TAF1B: variants seen among roughly 807,000 people sequenced by gnomAD.
TAF1B encodes TATA box-binding protein-associated factor RNA polymerase I subunit B.
Under a neutral mutation model 83.9 loss-of-function variants are expected in TAF1B, and 61 were observed. The ratio of observed to expected loss-of-function variants is 0.73; its 90% confidence interval spans 0.59 to 0.90. TAF1B has a LOEUF of 0.90. Among genes scored for constraint, TAF1B ranks in the 40% least tolerant of loss-of-function variants. The pLI is 0.00. For missense variants in TAF1B, 625 were observed against 677.0 expected, an observed-to-expected ratio of 0.92 and a Z score of 0.85; for synonymous variants, 221 against 224.6, an observed-to-expected ratio of 0.98 and a Z score of 0.14.
At chr2:9,863,852 G>A (rs1366820026) in intron 5 of TAF1B, among the ~76,000 whole-genome samples, 2 of 152,086 alleles carry the variant, frequency 1.3e-5, no homozygotes, top group Non-Finnish European at 2.9e-5. Context: ...TGACTACTGG[G>A]TACATAACGA....
At chr2:9,890,928 T>A (rs4669483) in intron 8 of TAF1B, among the ~76,000 whole-genome samples, 2 of 151,742 alleles carry the variant, frequency 1.3e-5, no homozygotes, top group African/African-American at 2.4e-5. Flanking sequence ...GCGCCACCAA[T>A]CCTGGCTACT....
At chr2:9,887,650 T>C (rs2125158398) in intron 8 of TAF1B, among the ~76,000 whole-genome samples, 1 of 152,288 alleles carries the variant, frequency 6.6e-6, no homozygotes, top group Non-Finnish European at 1.5e-5. Flanking sequence ...AGTTAGTATG[T>C]CATTGGGTGT....
chr2:9,923,433 C>T (rs1216341833), intron 14 of TAF1B, among the ~76,000 whole-genome samples: 1 of 152,088 alleles, frequency 6.6e-6, no homozygotes, highest in Non-Finnish European at 1.5e-5. Context: ...AATCCCAGCA[C>T]TTTGGGAGGC....
chr2:9,919,403 T>G (rs1440371255), intron 13 of TAF1B, among the ~76,000 whole-genome samples, 195 bp from the exon 14 acceptor site: 1 of 152,222 alleles, frequency 6.6e-6, no homozygotes, highest in Non-Finnish European at 1.5e-5. Context: ...GACTGTACAT[T>G]CTTTTTGAAG....
chr2:9,925,300 C>T (rs1404924640), intron 14 of TAF1B, among the ~76,000 whole-genome samples: 2 of 151,776 alleles, frequency 1.3e-5, no homozygotes, highest in East Asian at 3.9e-4. Flanking sequence ...ATTAGCCGGG[C>T]ATGGTGGTGC....
chr2:9,893,184 T>A (rs907573254), intron 8 of TAF1B, among the ~76,000 whole-genome samples: 1 of 152,218 alleles, frequency 6.6e-6, no homozygotes. Flanking sequence ...TATCCAGAGT[T>A]AACTGTTGTT....
chr2:9,920,644 C>T (rs978914970), intron 14 of TAF1B, among the ~76,000 whole-genome samples: 7 of 152,076 alleles, frequency 4.6e-5, no homozygotes, highest in Non-Finnish European at 8.8e-5. Context: ...GGTGCTGTGT[C>T]GTTTTTCCAC....
intron 8 of TAF1B, among the ~76,000 whole-genome samples, chr2:9,900,709 T>C (rs893811775): frequency 6.6e-6 from 1 of 152,190 alleles, no homozygotes; most frequent in Admixed American, 6.5e-5. Flanking sequence ...GTAAACAGTC[T>C]GTGGAATGGA....
intron 6 of TAF1B, chr2:9,868,897 T>C (rs934266770): frequency 5.9e-6 from 2 of 341,096 alleles, no homozygotes; most frequent in Admixed American, 8.5e-5. Flanking sequence ...TAACTTGAAA[T>C]AAATAAGGAA....
At chr2:9,855,055 C>T (rs1312209093) in intron 5 of TAF1B, among the ~76,000 whole-genome samples, 3 of 152,096 alleles carry the variant, frequency 2.0e-5, no homozygotes, top group African/African-American at 7.2e-5. Context: ...AGTGCAATGG[C>T]GCCATCTTGG....
At chr2:9,903,696 G>C (rs911261490) in intron 8 of TAF1B, among the ~76,000 whole-genome samples, 2 of 152,266 alleles carry the variant, frequency 1.3e-5, no homozygotes, top group African/African-American at 4.8e-5. Context: ...ACAGTGAGCC[G>C]CATTTGTTAG....
At chr2:9,856,401 T>A (rs751561326) in intron 5 of TAF1B, among the ~76,000 whole-genome samples, 2 of 152,006 alleles carry the variant, frequency 1.3e-5, no homozygotes, top group Non-Finnish European at 2.9e-5. Flanking sequence ...GAGAAATAAC[T>A]TGAATTTACT....
chr2:9,931,628 T>G (rs959956993), intron 14 of TAF1B, among the ~76,000 whole-genome samples: 2 of 152,362 alleles, frequency 1.3e-5, no homozygotes, highest in African/African-American at 4.8e-5. Context: ...CCTTGGTGAA[T>G]CTGACAGTTA....
At chr2:9,855,850 T>C (rs1350219953) in intron 5 of TAF1B, among the ~76,000 whole-genome samples, 1 of 151,986 alleles carries the variant, frequency 6.6e-6, no homozygotes, top group Middle Eastern at 3.2e-3. Flanking sequence ...TGTAATTTAT[T>C]GATTACTTTA....
chr2:9,887,658 T>C (rs945695056), intron 8 of TAF1B, among the ~76,000 whole-genome samples: 1 of 152,178 alleles, frequency 6.6e-6, no homozygotes, highest in Admixed American at 6.5e-5. Context: ...TGTCATTGGG[T>C]GTTGATTTTT....
chr2:9,919,194 C>A (rs777170294), intron 13 of TAF1B, 83 bp downstream of exon 13: 1 of 1,218,332 alleles, frequency 8.2e-7, no homozygotes, highest in Non-Finnish European at 1.2e-6. Flanking sequence ...ATGTTGAATG[C>A]TTAAGTTTTT....
At chr2:9,861,522 A>G (rs1282601010) in intron 5 of TAF1B, among the ~76,000 whole-genome samples, 1 of 152,260 alleles carries the variant, frequency 6.6e-6, no homozygotes, top group Admixed American at 6.5e-5. Context: ...CTCTGGGAGC[A>G]GGGCACAGAC....
At chr2:9,915,310 C>G (rs1665648734) in intron 12 of TAF1B, among the ~76,000 whole-genome samples, 1 of 152,130 alleles carries the variant, frequency 6.6e-6, no homozygotes, top group Non-Finnish European at 1.5e-5. Context: ...GTAAATTGGA[C>G]TTCATCAGAA....
At chr2:9,913,550 C>T (rs558534616) in intron 12 of TAF1B, 9 of 217,608 alleles carry the variant, frequency 4.1e-5, no homozygotes, top group Non-Finnish European at 7.2e-5. Flanking sequence ...TGAGACTTGC[C>T]TATATTTCTA....
Sources: gnomAD v4.1 joint callset for allele counts (sites outside exome capture counted in the v4.1 genomes callset) on GRCh38, gnomAD v4.1.1 for gene constraint, MANE v1.5 for transcripts, NCBI Gene and HGNC (gene_info 2026-07-23, HGNC 2026-07-21) for gene names.